Variants in SLC35F1 observed in about 807,000 individuals in gnomAD.
SLC35F1 encodes the protein chromosome 6 open reading frame 169.
A neutral mutation model predicts 48.7 loss-of-function variants in SLC35F1; 14 were observed. The ratio of observed to expected loss-of-function variants is 0.29; its 90% CI spans 0.19 to 0.45. The LOEUF is 0.45. Ranked by LOEUF, SLC35F1 falls within the 20% of genes least tolerant of loss-of-function variation. The pLI, the probability that SLC35F1 is intolerant of heterozygous loss-of-function variation, is 1.00. For synonymous variants in SLC35F1, 190 were observed against 202.2 expected (o/e 0.94, Z 0.51); for missense variants, 404 against 500.0 (o/e 0.81, Z 1.83).
intron 1 of SLC35F1, among the ~76,000 whole-genome samples, chr6:118,113,868 A>G (rs923725258): frequency 2.0e-5 from 3 of 152,244 alleles, no homozygotes; most frequent in Admixed American, 1.3e-4. Flanking sequence ...TAAAAAGTGT[A>G]TTGTCTGTCT....
chr6:118,226,724 G>T (rs1003093999), intron 2 of SLC35F1, among the ~76,000 whole-genome samples: 2 of 152,128 alleles, frequency 1.3e-5, no homozygotes, highest in Non-Finnish European at 2.9e-5. Flanking sequence ...AGGAGTGGTA[G>T]GGGATGAGGT....
intron 1 of SLC35F1, among the ~76,000 whole-genome samples, chr6:118,115,288 C>G (rs2484150): frequency 0.74 from 111,929 of 152,012 alleles, 42,004 homozygotes; most frequent in Middle Eastern, 0.83. Flanking sequence ...CTGCTAGAAA[C>G]AAGGTGCACT....
chr6:118,285,168 T>C lies in SLC35F1; in HGVS notation c.848-16T>C. 1 of 1,611,938 alleles carries C rather than the reference T, an allele frequency of 6.2e-7. No individual in the cohort carries two copies. ...GAGGAGGCCCTGACGCTGCCTTCTC[T>C]TTACTCTTCCCCCAGGACTGCTCTA... On this transcript the variant is annotated splice_polypyrimidine_tract_variant and intron_variant, in intron 6 of 7. Coordinates refer to ENST00000360388, the MANE Select transcript of SLC35F1 (RefSeq NM_001029858.4).
chr6:118,177,565 T>C (rs1322070490), intron 2 of SLC35F1, among the ~76,000 whole-genome samples: 2 of 152,072 alleles, frequency 1.3e-5, no homozygotes, highest in South Asian at 2.1e-4. Flanking sequence ...TGCCAGAACC[T>C]TGGGCGGGGA....
chr6:118,300,955 T>G (rs1438106795), intron 7 of SLC35F1, among the ~76,000 whole-genome samples: 3 of 152,326 alleles, frequency 2.0e-5, no homozygotes, highest in South Asian at 2.1e-4. Context: ...ACATTCCAGG[T>G]GCAGGAATGT....
chr6:118,031,045 C>A (rs941730774), intron 1 of SLC35F1, among the ~76,000 whole-genome samples: 23 of 152,138 alleles, frequency 1.5e-4, no homozygotes, highest in African/African-American at 5.1e-4. Context: ...TCTCCCCACA[C>A]AGGCACAGCC....
At chr6:118,266,370 A>AT (rs574615817) in intron 3 of SLC35F1, among the ~76,000 whole-genome samples, 3 of 152,110 alleles carry the variant, frequency 2.0e-5, no homozygotes, top group Non-Finnish European at 2.9e-5. Flanking sequence ...TCTTTAAAAA[A>AT]TTTTTTTTCT....
At position 117,974,344 on chromosome 6, in the gene SLC35F1, A is replaced by G. The variant is rs531579787; in HGVS notation, c.173+66445A>G. Among the ~76,000 whole-genome samples, 3 of 152,320 alleles carry G rather than the reference A, an allele frequency of 2.0e-5. No homozygotes were observed. The East Asian group carries it at 5.8e-4, about 29-fold the overall frequency. On this transcript the variant is annotated intron_variant, in intron 1 of 7. Transcript: ENST00000360388. ...GTTCCAAACATAGCTGTATTTTCAC[A>G]TGATAGATACTCAGTAAATTTTTAT...
At chr6:117,962,888 T>G (rs891222187) in intron 1 of SLC35F1, among the ~76,000 whole-genome samples, 1 of 152,166 alleles carries the variant, frequency 6.6e-6, no homozygotes, top group Non-Finnish European at 1.5e-5. Flanking sequence ...AAGGGGACAG[T>G]GTGTTAGAGC....
intron 7 of SLC35F1, among the ~76,000 whole-genome samples, chr6:118,289,872 C>T (rs1776098797): frequency 6.6e-6 from 1 of 152,306 alleles, no homozygotes; most frequent in East Asian, 1.9e-4. Context: ...CTAATCTGTA[C>T]TATTATTTTA....
intron 1 of SLC35F1, among the ~76,000 whole-genome samples, chr6:117,922,892 G>A (rs1173985212): frequency 6.6e-6 from 1 of 152,162 alleles, no homozygotes; most frequent in Non-Finnish European, 1.5e-5. Context: ...TTACAGGGGA[G>A]CAAATTGTAT....
At chr6:117,992,222 T>C (rs1776928253) in intron 1 of SLC35F1, among the ~76,000 whole-genome samples, 1 of 152,170 alleles carries the variant, frequency 6.6e-6, no homozygotes, top group Middle Eastern at 3.2e-3. Context: ...TTGTTTTCTG[T>C]TTTACACAAA....
chr6:118,057,402 A>T (rs1454499723), intron 1 of SLC35F1, among the ~76,000 whole-genome samples: 1 of 152,134 alleles, frequency 6.6e-6, no homozygotes, highest in Non-Finnish European at 1.5e-5. Flanking sequence ...AGTGACCTTG[A>T]TGGTCCCAAG....
At chr6:117,938,613 T>A (rs1776189618) in intron 1 of SLC35F1, among the ~76,000 whole-genome samples, 1 of 152,234 alleles carries the variant, frequency 6.6e-6, no homozygotes, top group South Asian at 2.1e-4. Context: ...AGCCTGCTCC[T>A]GACAGCTTGG....
chr6:117,972,413 A>G (rs1562252111), intron 1 of SLC35F1, among the ~76,000 whole-genome samples: 1 of 152,168 alleles, frequency 6.6e-6, no homozygotes, highest in Non-Finnish European at 1.5e-5. Flanking sequence ...TTACTTCTGC[A>G]TTTTTGGGTA....
At chr6:118,032,431 G>A (rs1772067888) in intron 1 of SLC35F1, among the ~76,000 whole-genome samples, 1 of 152,160 alleles carries the variant, frequency 6.6e-6, no homozygotes, top group Non-Finnish European at 1.5e-5. Flanking sequence ...AGACACATGA[G>A]GTTGAATAAC....
intron 2 of SLC35F1, among the ~76,000 whole-genome samples, chr6:118,172,717 C>G (rs908848608): frequency 6.6e-5 from 10 of 152,026 alleles, no homozygotes; most frequent in Non-Finnish European, 1.5e-4. Flanking sequence ...TATTTATATG[C>G]TTGGAGATAT....
intron 1 of SLC35F1, among the ~76,000 whole-genome samples, chr6:118,135,950 C>T (rs1015148691): frequency 6.6e-6 from 1 of 152,210 alleles, no homozygotes; most frequent in East Asian, 1.9e-4. Flanking sequence ...CTATAAAAGA[C>T]AGCTGGGTTA....
intron 1 of SLC35F1, among the ~76,000 whole-genome samples, chr6:118,151,381 G>A (rs1023299144): frequency 6.6e-6 from 1 of 152,100 alleles, no homozygotes; most frequent in Non-Finnish European, 1.5e-5. Flanking sequence ...TACTAATGCT[G>A]CTGGATCATT....
Sources: gnomAD v4.1 joint callset for allele counts (sites outside exome capture counted in the v4.1 genomes callset) on GRCh38, gnomAD v4.1.1 for gene constraint, MANE v1.5 for transcripts, NCBI Gene and HGNC (gene_info 2026-07-23, HGNC 2026-07-21) for gene names.